The following TMEM64 variants were observed in gnomAD, a reference collection of about 807,000 sequenced individuals.
TMEM64 encodes transmembrane protein 64.
A neutral mutation model predicts 24.5 loss-of-function variants in TMEM64; 19 were observed. The ratio of observed to expected loss-of-function variants is 0.78; its 90% CI spans 0.54 to 1.14. The LOEUF (loss-of-function observed/expected upper bound fraction) is 1.14. Among genes scored for constraint, TMEM64 ranks in the 50% most tolerant of loss-of-function variants. The pLI is 0.00. For synonymous variants in TMEM64, 262 were observed against 224.7 expected, an observed-to-expected ratio of 1.17 and a Z score of -1.49; for missense variants, 487 against 493.0, an observed-to-expected ratio of 0.99 and a Z score of 0.12.
chr8:90,643,119 G>A (rs1422073328), intron 1 of TMEM64, among the ~76,000 whole-genome samples: 2 of 152,016 alleles, frequency 1.3e-5, no homozygotes, highest in Non-Finnish European at 2.9e-5. Context: ...AATACATAAT[G>A]AGCCCTTACT....
At chr8:90,642,196 A>G (rs1420894701) in intron 1 of TMEM64, among the ~76,000 whole-genome samples, 8 of 152,308 alleles carry the variant, frequency 5.3e-5, no homozygotes, top group Admixed American at 2.6e-4. Context: ...AGCCAGACAA[A>G]ATACTTAATG....
chr8:90,641,787 T>C lies in TMEM64; in HGVS notation c.795+3324A>G, dbSNP rs536256068. On this transcript the variant is annotated intron_variant, in intron 1 of 2. Coordinates refer to ENST00000458549, the MANE Select transcript of TMEM64 (RefSeq NM_001008495.4). ...TAGTTAAGTACAATGTAGGTATTTGTTAAATTTTTTTAAAAAGTAGCTCAA... is the reference window on the plus strand; with the variant it reads ...TAGTTAAGTACAATGTAGGTATTTGCTAAATTTTTTTAAAAAGTAGCTCAA... Among the ~76,000 whole-genome samples, 9 of 152,334 alleles carry C rather than the reference T, an allele frequency of 5.9e-5. No homozygotes were observed. The East Asian group carries it at 1.7e-3, about 29-fold the overall frequency.
intron 1 of TMEM64, among the ~76,000 whole-genome samples, chr8:90,640,682 C>G (rs1563451490): frequency 6.6e-6 from 1 of 152,180 alleles, no homozygotes; most frequent in Non-Finnish European, 1.5e-5. Flanking sequence ...CAAATATAAA[C>G]TAAATTAGTA....
intron 2 of TMEM64, among the ~76,000 whole-genome samples, chr8:90,628,044 T>C (rs1483527474): frequency 6.6e-6 from 1 of 152,246 alleles, no homozygotes; most frequent in African/African-American, 2.4e-5. Flanking sequence ...GCTGCACTTC[T>C]GATCCCAGGG....
At chr8:90,631,497 C>A in intron 2 of TMEM64, 55 bp downstream of exon 2, 1 of 1,373,486 alleles carries the variant, frequency 7.3e-7, no homozygotes, top group South Asian at 1.7e-5. Flanking sequence ...ATCAGCAATG[C>A]CATACAAAAA....
At chr8:90,644,930 G>A (rs1048944206) in intron 1 of TMEM64, among the ~76,000 whole-genome samples, 181 bp downstream of exon 1, 1 of 152,170 alleles carries the variant, frequency 6.6e-6, no homozygotes, top group Admixed American at 6.5e-5. Context: ...TCGAGGCTCC[G>A]CGTTAGGTAT....
rs752241131 is a variant in TMEM64, at chr8:90,625,690, C to A, written c.1124G>T (p.Gly375Val). The change falls in exon 3 of 3, where the codon GGT becomes GTT. Residue 375 changes from glycine (G) to valine (V), a missense_variant. This residue lies in a region of TMEM64 where 58 missense variants were observed against 58.2 expected (regional missense o/e 1.00). Transcript: ENST00000458549. The stretch of plus-strand genomic sequence containing the variant: ...TTAGAATCATACAACATTGATTCCA[C>A]CTCCAGAAAATGTTAGGGTCCTCTT... The part of the protein sequence containing the change: ...YNKRTLTFSG[G>V]GINVV The A allele has an allele frequency of 1.2e-6, 2 of 1,613,630 alleles. No homozygotes were observed. Among genetic ancestry groups the A allele is most frequent in the African/African-American group, 2.7e-5 (2 of 75,002 alleles).
In TMEM64 at chr8:90,625,544, A is replaced by C. The variant is rs1809343551; in HGVS notation, c.*127T>G. On this transcript the variant is annotated 3_prime_UTR_variant, in exon 3 of 3. Transcript: ENST00000458549. ...TTGCTTTAAAAAAAAAAAATTGTGC[A>C]ATTTAAAAACTAGTCAGTTTTGTTT... The C allele has an allele frequency of 3.9e-6, 3 of 766,898 alleles. No individual in the cohort carries two copies. The highest frequency in any genetic ancestry group is 6.0e-6 in the Non-Finnish European group (3 of 502,816). 47.5% of individuals were successfully genotyped at this position (766,898 alleles called of 1,614,324 possible).
intron 2 of TMEM64, among the ~76,000 whole-genome samples, chr8:90,630,374 T>C (rs1462499473): frequency 1.3e-5 from 2 of 152,190 alleles, no homozygotes; most frequent in African/African-American, 4.8e-5. Flanking sequence ...TGTAGTTGGT[T>C]GAATCCATGA....
At chr8:90,638,980 C>A (rs1280360031) in intron 1 of TMEM64, among the ~76,000 whole-genome samples, 1 of 152,024 alleles carries the variant, frequency 6.6e-6, no homozygotes, top group East Asian at 1.9e-4. Flanking sequence ...AGGCACCTAC[C>A]AATTATTTAC....
Position 90,625,842 on chromosome 8 carries a change from G to A in TMEM64, c.972C>T (p.Leu324=), listed in dbSNP as rs1186078563. ...FCLQIIISIG[L]MFYVVHRAQV... Reference sequence around the variant, plus strand: ...GAGCTCGATGAACTACATAAAACATGAGGCCTATACTTATAATAATCTGTG... The same window carrying A: ...GAGCTCGATGAACTACATAAAACATAAGGCCTATACTTATAATAATCTGTG... The change falls in exon 3 of 3, where the codon CTC becomes CTT. Residue 324 remains leucine, a synonymous_variant. Transcript: ENST00000458549. The A allele has an allele frequency of 1.2e-6, 2 of 1,611,356 alleles. No individual in the cohort carries two copies.
intron 1 of TMEM64, among the ~76,000 whole-genome samples, chr8:90,636,523 G>T (rs1809521173): frequency 1.3e-5 from 2 of 152,130 alleles, no homozygotes; most frequent in African/African-American, 4.8e-5. Context: ...CAAACTGCTG[G>T]GATTACACGC....
Position 90,625,629 on chromosome 8 carries a change from G to C in TMEM64, c.*42C>G. On this transcript the variant is annotated 3_prime_UTR_variant, in exon 3 of 3. Coordinates refer to ENST00000458549, the MANE Select transcript of TMEM64 (RefSeq NM_001008495.4). ...CTAGTGAAGTGACTGCTAGACCTTA[G>C]ATAGCACACTAGGCTCTTGACAATC... 6.5e-7 allele frequency: 1 copy of C among 1,546,428 alleles called. No homozygotes were observed.
chr8:90,645,197 C>T lies in TMEM64; in HGVS notation c.709G>A (p.Val237Ile). The change falls in exon 1 of 3, where the codon GTA (valine) becomes ATA (isoleucine). Residue 237 changes from valine to isoleucine, a missense_variant. Around this residue, in one of 3 missense-constraint regions of TMEM64, gnomAD observed 419 missense variants for 407.5 expected, o/e 1.03. Coordinates refer to ENST00000458549, the MANE Select transcript of TMEM64 (RefSeq NM_001008495.4). This position sits in a 1 kb window ranked among gnomAD's most constrained non-coding sequence, Gnocchi z 4.2. ...SSEKLSAVIRVVEGGSGLKVV... is the reference protein window; with the variant it reads ...SSEKLSAVIRIVEGGSGLKVV... ...TTCAGGCCGCTTCCTCCCTCCACTA[C>T]GCGAATAACCGCGCTCAGCTTCTCG... is the stretch of plus-strand genomic sequence containing the variant. The T allele has an allele frequency of 6.2e-7, 1 of 1,614,196 alleles. No individual in the cohort carries two copies. Among genetic ancestry groups the T allele is most frequent in the Non-Finnish European group, 8.5e-7 (1 of 1,180,030 alleles).
Position 90,625,454 on chromosome 8 carries a change from G to T in TMEM64, c.*217C>A. 2.1e-6 allele frequency: 1 copy of T among 476,926 alleles called. No homozygotes were observed. Among genetic ancestry groups the T allele is most frequent in the Non-Finnish European group, 3.7e-6 (1 of 267,894 alleles). 29.5% of individuals were successfully genotyped at this position (476,926 alleles called of 1,614,324 possible). On this transcript the variant is annotated 3_prime_UTR_variant, in exon 3 of 3. Coordinates refer to ENST00000458549, the MANE Select transcript of TMEM64 (RefSeq NM_001008495.4). The stretch of plus-strand genomic sequence containing the variant: ...AGTGCAGACCTATAGGCCAATACAG[G>T]CATGATAAAGAGGTGCAGCCAAATT...
chr8:90,641,507 A>G (rs1440379684), intron 1 of TMEM64, among the ~76,000 whole-genome samples: 1 of 152,212 alleles, frequency 6.6e-6, no homozygotes, highest in Non-Finnish European at 1.5e-5. Flanking sequence ...CCAGTCCTCC[A>G]TAATGTCTGA....
At chr8:90,630,299 CT>C (rs1809418187) in intron 2 of TMEM64, among the ~76,000 whole-genome samples, 2 of 151,942 alleles carry the variant, frequency 1.3e-5, no homozygotes, top group Admixed American at 6.6e-5. Context: ...TATTGTAATA[CT>C]TTTTTGTGCT....
chr8:90,642,807 C>G (rs565302274), intron 1 of TMEM64, among the ~76,000 whole-genome samples: 1 of 152,308 alleles, frequency 6.6e-6, no homozygotes, highest in Non-Finnish European at 1.5e-5. Flanking sequence ...ATCCTGGGTT[C>G]AAACCCTAGC....
Position 90,645,823 on chromosome 8 carries a change from G to A in TMEM64, c.83C>T (p.Pro28Leu). ...HAALPGLAELPARWALPRGAG... is the reference protein window; with the variant it reads ...HAALPGLAELLARWALPRGAG... Reference sequence around the variant, plus strand: ...ACCCCGCGGCAGGGCCCAGCGGGCCGGCAGCTCGGCGAGGCCCGGGAGGGC... The same window carrying A: ...ACCCCGCGGCAGGGCCCAGCGGGCCAGCAGCTCGGCGAGGCCCGGGAGGGC... Residue 28 changes from proline (P) to leucine (L), a missense_variant, in exon 1 of 3, where the codon CCG becomes CTG. Physicochemically the swap from Pro to Leu is moderately conservative, Grantham distance 98. This residue lies in a region of TMEM64 where 419 missense variants were observed against 407.5 expected (regional missense o/e 1.03). Coordinates refer to ENST00000458549, the MANE Select transcript of TMEM64 (RefSeq NM_001008495.4). The surrounding 1 kb of genome is among the most constrained non-coding windows in gnomAD (Gnocchi z 4.2). 1 of 1,063,358 alleles carries A rather than the reference G, an allele frequency of 9.4e-7. No individual in the cohort carries two copies. Among genetic ancestry groups the A allele is most frequent in the Non-Finnish European group, 1.1e-6 (1 of 881,514 alleles). The allele number at this position is 1,063,358 out of a possible 1,614,324, so 65.9% of individuals were successfully genotyped here.
Sources: allele counts gnomAD v4.1 joint callset (sites outside exome capture counted in the v4.1 genomes callset), GRCh38; gene constraint gnomAD v4.1.1; regional missense constraint gnomAD v4.1.1; non-coding constraint Gnocchi (gnomAD v3.1); transcripts MANE v1.5; gene names NCBI Gene and HGNC (gene_info 2026-07-23, HGNC 2026-07-21).